The following BDP1 variants were observed in gnomAD, a reference collection of about 807,000 sequenced individuals.
BDP1 encodes the protein transcription factor TFIIIB component B'' homolog.
Under a neutral mutation model 266.6 loss-of-function variants are expected in BDP1, and 169 were observed. The observed-to-expected ratio is 0.63, with a 90% CI of 0.56 to 0.72. The LOEUF (loss-of-function observed/expected upper bound fraction) is 0.72. Among genes scored for constraint, BDP1 ranks in the 30% least tolerant of loss-of-function variants. The pLI, the probability that BDP1 is intolerant of heterozygous loss-of-function variation, is 0.00. For missense variants in BDP1, 3,015 were observed against 3,053.8 expected, an observed-to-expected ratio of 0.99 and a Z score of 0.30; for synonymous variants, 1,090 against 1,022.4, an observed-to-expected ratio of 1.07 and a Z score of -1.26.
chr5:71,538,201 G>C (rs1766752035), intron 26 of BDP1, among the ~76,000 whole-genome samples: 1 of 152,068 alleles, frequency 6.6e-6, no homozygotes, highest in South Asian at 2.1e-4. Flanking sequence ...TTCATTGTTG[G>C]ATTCAGCTTG....
intron 22 of BDP1, among the ~76,000 whole-genome samples, chr5:71,518,715 A>G (rs565389222): frequency 6.6e-6 from 1 of 152,102 alleles, no homozygotes; most frequent in Non-Finnish European, 1.5e-5. Context: ...CGGCCTCCCA[A>G]AATCTTGGGA....
chr5:71,534,691 G>C (rs1307057174), intron 26 of BDP1, among the ~76,000 whole-genome samples: 1 of 152,162 alleles, frequency 6.6e-6, no homozygotes, highest in Non-Finnish European at 1.5e-5. Context: ...GCCCAGGCTG[G>C]AGTGCAATGG....
Position 71,467,388 on chromosome 5 carries a change from T to C in BDP1, c.820T>C (p.Cys274Arg), listed in dbSNP as rs755204096. 8 of 1,610,286 alleles carry C rather than the reference T, an allele frequency of 5.0e-6. No individual in the cohort carries two copies. In the African/African-American group the frequency reaches 8.0e-5, roughly 16 times the overall value. The change falls in exon 6 of 39, where the codon TGT becomes CGT. Residue 274 changes from cysteine to arginine, a missense_variant. By Grantham distance (180) the Cys-to-Arg change is radical. Transcript: ENST00000358731. ...TVEVLRTKGP[C>R]VVEENDPIFE... ...AGAAGTTTTAAGAACAAAAGGCCCT[T>C]GTGTTGTTGAAGAAAATGACCCCAT...
At chr5:71,472,354 G>A (rs1487512866) in intron 7 of BDP1, among the ~76,000 whole-genome samples, 3 of 152,180 alleles carry the variant, frequency 2.0e-5, no homozygotes, top group South Asian at 2.1e-4. Flanking sequence ...CCAGCTACTC[G>A]GGAGGCTGAG....
At position 71,466,267 on chromosome 5, in the gene BDP1, A is replaced by G. The variant is rs769234710; in HGVS notation, c.785+46A>G. On this transcript the variant is annotated intron_variant, in intron 5 of 38. Coordinates refer to ENST00000358731, the MANE Select transcript of BDP1 (RefSeq NM_018429.3). ...GTGAGATTGTGGTTACATGAGAACA[A>G]ACATGCTTTGTCTAGTGAAAGAGGT... 13 of 1,608,148 alleles carry G rather than the reference A, an allele frequency of 8.1e-6. No homozygotes were observed. The South Asian group carries it at 1.2e-4, about 15-fold the overall frequency.
At position 71,510,141 on chromosome 5, in the gene BDP1, A is replaced by G. The variant is rs546717258; in HGVS notation, c.3049A>G (p.Arg1017Gly). Reference sequence around the variant, plus strand: ...GGAGACAGATTTGAACGCAACTGGAAGAGAGAGTTCTCCAAGGGAGAAGAC... The same window carrying G: ...GGAGACAGATTTGAACGCAACTGGAGGAGAGAGTTCTCCAAGGGAGAAGAC... ...EMETDLNATG[R>G]ESSPREKTPE... The change falls in exon 17 of 39, where the codon AGA becomes GGA. Residue 1017 changes from arginine to glycine, a missense_variant. Around this residue, in one of 3 missense-constraint regions of BDP1, gnomAD observed 2,383 missense variants for 2,404.9 expected, o/e 0.99. Transcript: ENST00000358731. 3 of 1,613,936 alleles carry G rather than the reference A, an allele frequency of 1.9e-6. No individual in the cohort carries two copies. The highest frequency in any genetic ancestry group is 2.5e-6 in the Non-Finnish European group (3 of 1,179,982).
chr5:71,468,195 T>C (rs1305063131), intron 6 of BDP1, among the ~76,000 whole-genome samples: 5 of 151,920 alleles, frequency 3.3e-5, no homozygotes, highest in African/African-American at 4.8e-5. Context: ...ATTTTTGTAT[T>C]TTTAGTAGAG....
chr5:71,484,070 A>G (rs2150396973), intron 8 of BDP1, among the ~76,000 whole-genome samples, 174 bp downstream of exon 8: 1 of 152,296 alleles, frequency 6.6e-6, no homozygotes, highest in Middle Eastern at 3.4e-3. Context: ...TGCTACAAAT[A>G]TATTGGCAGG....
chr5:71,553,363 A>G, intron 35 of BDP1, 43 bp downstream of exon 35: 1 of 1,351,992 alleles, frequency 7.4e-7, no homozygotes, highest in Non-Finnish European at 1.0e-6. Context: ...CCATTAAGTA[A>G]GATGGCCATA....
chr5:71,495,202 T>C, intron 11 of BDP1, 48 bp from the exon 12 acceptor site: 2 of 1,168,106 alleles, frequency 1.7e-6, no homozygotes, highest in South Asian at 3.9e-5. Flanking sequence ...TTATAAAATA[T>C]ATATCATTAG....
intron 32 of BDP1, among the ~76,000 whole-genome samples, chr5:71,547,268 C>T (rs1742399104): frequency 6.6e-6 from 1 of 151,144 alleles, no homozygotes; most frequent in Non-Finnish European, 1.5e-5. Flanking sequence ...TCTTTTTGTT[C>T]ACAAAAGAGA....
chr5:71,575,597 G>A, the BDP1 span, among the ~76,000 whole-genome samples: 3 of 152,136 alleles, frequency 2.0e-5, no homozygotes, highest in African/African-American at 7.2e-5. Context: ...CATCTCCAGC[G>A]GCTATTCCAA....
intron 20 of BDP1, 82 bp from the exon 21 acceptor site, chr5:71,515,979 A>G: frequency 1.1e-6 from 1 of 914,666 alleles, no homozygotes. Flanking sequence ...TTATTAGAGG[A>G]GATCCAAATT....
intron 26 of BDP1, among the ~76,000 whole-genome samples, chr5:71,538,588 G>C (rs1766776586): frequency 6.6e-6 from 1 of 152,184 alleles, no homozygotes; most frequent in African/African-American, 2.4e-5. Flanking sequence ...AGCTTCTCAA[G>C]CTGTCGCTCT....
intron 26 of BDP1, among the ~76,000 whole-genome samples, chr5:71,534,685 A>G (rs1379377737): frequency 1.3e-5 from 2 of 152,180 alleles, no homozygotes; most frequent in African/African-American, 4.8e-5. Context: ...CTTGTTGCCC[A>G]GGCTGGAGTG....
intron 7 of BDP1, among the ~76,000 whole-genome samples, chr5:71,480,591 G>T (rs1561688846): frequency 7.1e-6 from 1 of 140,526 alleles, no homozygotes. Flanking sequence ...TTTTGAGATG[G>T]AATCTCACTC....
intron 36 of BDP1, among the ~76,000 whole-genome samples, chr5:71,559,634 C>T (rs1289983025): frequency 1.3e-5 from 2 of 152,138 alleles, no homozygotes; most frequent in Non-Finnish European, 2.9e-5. Flanking sequence ...GAGTTACCAC[C>T]TATATTTTGG....
the BDP1 span, among the ~76,000 whole-genome samples, chr5:71,575,276 A>G: frequency 6.6e-6 from 1 of 152,194 alleles, no homozygotes; most frequent in Non-Finnish European, 1.5e-5. Context: ...ACAAATAGAA[A>G]AGGGCTAGGA....
At chr5:71,484,749 T>C (rs893876600) in intron 8 of BDP1, among the ~76,000 whole-genome samples, 2 of 152,178 alleles carry the variant, frequency 1.3e-5, no homozygotes, top group Admixed American at 6.5e-5. Context: ...GGAATATATT[T>C]TTTGTGGATT....
Sources: allele counts gnomAD v4.1 joint callset (sites outside exome capture counted in the v4.1 genomes callset), GRCh38; gene constraint gnomAD v4.1.1; regional missense constraint gnomAD v4.1.1; transcripts MANE v1.5; gene names NCBI Gene and HGNC (gene_info 2026-07-23, HGNC 2026-07-21).